Variants in MAPKAPK5 observed in about 807,000 individuals in gnomAD.
MAPKAPK5 encodes MAP kinase-activated protein kinase 5.
A neutral mutation model predicts 65.1 loss-of-function variants in MAPKAPK5; 30 were observed. That is an observed-to-expected ratio of 0.46 (90% CI 0.34 to 0.63). The LOEUF is 0.63. Among genes scored for constraint, MAPKAPK5 ranks in the 20% least tolerant of loss-of-function variants. The pLI is 0.01. For synonymous variants in MAPKAPK5, 179 were observed against 204.6 expected (o/e 0.87, Z 1.07); for missense variants, 433 against 581.4 (o/e 0.74, Z 2.63).
At chr12:111,875,640 G>A (rs1266818436) in intron 7 of MAPKAPK5, among the ~76,000 whole-genome samples, 1 of 152,138 alleles carries the variant, frequency 6.6e-6, no homozygotes, top group Non-Finnish European at 1.5e-5. Context: ...TCTGGTGGAA[G>A]TCTGTGCAGA....
At chr12:111,849,724 C>A (rs544315145) in intron 1 of MAPKAPK5, among the ~76,000 whole-genome samples, 27 of 151,530 alleles carry the variant, frequency 1.8e-4, no homozygotes, top group Admixed American at 4.6e-4. Context: ...TTTTCTTTTT[C>A]TTTTATTTTG....
intron 10 of MAPKAPK5, chr12:111,888,282 T>G: frequency 1.8e-6 from 1 of 541,510 alleles, no homozygotes; most frequent in South Asian, 2.4e-5. Flanking sequence ...CTAGTTGTTG[T>G]GTGACCTTTG....
chr12:111,876,600 A>T (rs182930036), intron 7 of MAPKAPK5, among the ~76,000 whole-genome samples: 116 of 152,312 alleles, frequency 7.6e-4, no homozygotes, highest in African/African-American at 2.7e-3. Flanking sequence ...TCAAATAAAA[A>T]TTAGGAAATT....
intron 7 of MAPKAPK5, among the ~76,000 whole-genome samples, chr12:111,873,053 CTG>C (rs907353614): frequency 1.3e-5 from 2 of 151,840 alleles, no homozygotes; most frequent in African/African-American, 2.4e-5. Flanking sequence ...TTAATGAAGT[CTG>C]TTTCACCATT....
chr12:111,860,967 TG>T (rs1328477058), intron 1 of MAPKAPK5, among the ~76,000 whole-genome samples: 1 of 151,640 alleles, frequency 6.6e-6, no homozygotes, highest in East Asian at 2.0e-4. Context: ...GAGACCAGCC[TG>T]GCCAACACGG....
intron 13 of MAPKAPK5, 146 bp downstream of exon 13, chr12:111,890,290 G>T: frequency 1.6e-6 from 1 of 630,852 alleles, no homozygotes; most frequent in Non-Finnish European, 2.8e-6. Flanking sequence ...TGTGGAATGG[G>T]GGTTAGCTCT....
chr12:111,847,516 C>T (rs928506992), intron 1 of MAPKAPK5, among the ~76,000 whole-genome samples: 1 of 152,020 alleles, frequency 6.6e-6, no homozygotes, highest in African/African-American at 2.4e-5. Flanking sequence ...ATTAGGGATT[C>T]TTACATATTG....
In MAPKAPK5 at chr12:111,845,421, G is replaced by A. The variant is rs1293019784; in HGVS notation, c.36+2652G>A. On this transcript the variant is annotated intron_variant, in intron 1 of 13. Coordinates refer to ENST00000550735, the MANE Select transcript of MAPKAPK5 (RefSeq NM_003668.4). ...TCTGTCCGCCTTGGCCTCCCAAAGTGTTGGGACTACAGGCATGAGCTACCA... is the reference window on the plus strand; with the variant it reads ...TCTGTCCGCCTTGGCCTCCCAAAGTATTGGGACTACAGGCATGAGCTACCA... Among the ~76,000 whole-genome samples the A allele has an allele frequency of 1.3e-5, 2 of 152,128 alleles. 1 individual carries two copies. The highest frequency in any genetic ancestry group is 3.9e-4 in the East Asian group (2 of 5,182).
rs1454933802 is a variant in MAPKAPK5, at chr12:111,900,839, T to G, written c.*7778T>G. ...AAGATGGCTCAAAATGTCATACAAT[T>G]TACGAGTGCCTTAAAGTTCATTGTA... On this transcript the variant is annotated 3_prime_UTR_variant, in exon 14 of 14. Transcript: ENST00000550735. 1.1e-5 allele frequency: 5 copies of G among 455,898 alleles called. No homozygotes were observed. The highest frequency in any genetic ancestry group is 2.2e-5 in the Non-Finnish European group (5 of 226,800). 28.2% of individuals were successfully genotyped at this position (455,898 alleles called of 1,614,324 possible).
intron 1 of MAPKAPK5, among the ~76,000 whole-genome samples, chr12:111,853,755 G>A (rs1452151157): frequency 2.0e-5 from 3 of 152,078 alleles, no homozygotes; most frequent in Non-Finnish European, 2.9e-5. Context: ...GGCTGGTCTC[G>A]AACTCCTGAC....
intron 5 of MAPKAPK5, among the ~76,000 whole-genome samples, chr12:111,869,117 G>T (rs78082043): frequency 1.0e-5 from 1 of 98,828 alleles, no homozygotes; most frequent in Non-Finnish European, 2.1e-5. Context: ...ACTCTGGAAG[G>T]AAGGCATCTT....
chr12:111,873,323 AT>A (rs1482370904), intron 7 of MAPKAPK5, among the ~76,000 whole-genome samples: 1 of 151,952 alleles, frequency 6.6e-6, no homozygotes, highest in African/African-American at 2.4e-5. Flanking sequence ...GCATCATTGA[AT>A]TGCAGTTTTT....
intron 3 of MAPKAPK5, among the ~76,000 whole-genome samples, chr12:111,867,280 G>A (rs945612898): frequency 2.6e-5 from 4 of 152,144 alleles, no homozygotes; most frequent in African/African-American, 9.7e-5. Flanking sequence ...AATAACATGT[G>A]CAATGAAGGA....
intron 7 of MAPKAPK5, among the ~76,000 whole-genome samples, chr12:111,877,553 A>G (rs529835462): frequency 2.6e-5 from 4 of 152,144 alleles, no homozygotes; most frequent in Admixed American, 2.0e-4. Flanking sequence ...ACATTTGTGT[A>G]TGCACCTGCC....
chr12:111,854,469 G>A (rs555844673), intron 1 of MAPKAPK5, among the ~76,000 whole-genome samples: 2 of 152,058 alleles, frequency 1.3e-5, no homozygotes, highest in Non-Finnish European at 2.9e-5. Context: ...TTGATCTCTT[G>A]ACCTCGTGAT....
rs756824727 is a variant in MAPKAPK5 at position 111,900,605 on chromosome 12, G to A, written c.*7544G>A. 4.4e-6 allele frequency: 2 copies of A among 456,160 alleles called. No individual in the cohort carries two copies. Among genetic ancestry groups the A allele is most frequent in the Non-Finnish European group, 8.8e-6 (2 of 226,802 alleles). 28.3% of individuals were successfully genotyped at this position (456,160 alleles called of 1,614,324 possible). A position where few individuals can be genotyped will look rare whatever the true frequency, so the allele number is the denominator to read the frequency against. On this transcript the variant is annotated 3_prime_UTR_variant, in exon 14 of 14. Transcript: ENST00000550735. ...ATGGTGTGGTGGAGGACACGGAGCA[G>A]TGTGACTGTGGTTCTCTATGTCAGC...
At chr12:111,866,585 C>CA (rs1334254552) in intron 3 of MAPKAPK5, among the ~76,000 whole-genome samples, 1 of 152,190 alleles carries the variant, frequency 6.6e-6, no homozygotes, top group East Asian at 1.9e-4. Context: ...AGTGATGCTA[C>CA]AGGAGGACTC....
chr12:111,870,484 A>T, intron 6 of MAPKAPK5, 124 bp downstream of exon 6: 1 of 621,960 alleles, frequency 1.6e-6, no homozygotes, highest in African/African-American at 1.8e-5. Context: ...CAAACAGCTT[A>T]TTTCTTCAAC....
At chr12:111,852,367 G>A (rs1274563849) in intron 1 of MAPKAPK5, among the ~76,000 whole-genome samples, 1 of 152,008 alleles carries the variant, frequency 6.6e-6, no homozygotes, top group Non-Finnish European at 1.5e-5. Flanking sequence ...CTTTCCCTCA[G>A]TCTACTCATC....
Sources: gnomAD v4.1 joint callset for allele counts (sites outside exome capture counted in the v4.1 genomes callset) on GRCh38, gnomAD v4.1.1 for gene constraint, MANE v1.5 for transcripts, NCBI Gene and HGNC (gene_info 2026-07-23, HGNC 2026-07-21) for gene names.